The following TESC variants were observed in gnomAD, a reference collection of about 807,000 sequenced individuals.
TESC encodes the protein calcineurin B homologous protein 3.
TESC carries 19 observed loss-of-function variants against 31.0 expected under a neutral mutation model. The ratio of observed to expected loss-of-function variants is 0.61; its 90% CI spans 0.43 to 0.90. The LOEUF (loss-of-function observed/expected upper bound fraction) is 0.90. Ranked by LOEUF, TESC falls within the 40% of genes least tolerant of loss-of-function variation. The probability of loss-of-function intolerance (pLI) is 0.00; values close to 1 mark genes in which losing one functional copy is unlikely to be tolerated. For synonymous variants in TESC, 109 were observed against 114.8 expected, an observed-to-expected ratio of 0.95 and a Z score of 0.32; for missense variants, 248 against 303.8, an observed-to-expected ratio of 0.82 and a Z score of 1.36.
At chr12:117,042,764 C>T (rs1178333081) in intron 6 of TESC, among the ~76,000 whole-genome samples, 3 of 152,170 alleles carry the variant, frequency 2.0e-5, no homozygotes, top group Non-Finnish European at 2.9e-5. Context: ...TTTGTGACAG[C>T]GAAAACCCGC....
At chr12:117,074,225 G>A (rs1054523377) in intron 2 of TESC, among the ~76,000 whole-genome samples, 17 of 152,052 alleles carry the variant, frequency 1.1e-4, no homozygotes, top group Admixed American at 1.1e-3. Flanking sequence ...AAAATTACCT[G>A]GGTGTGATGG....
chr12:117,072,131 A>T (rs1954982903), intron 2 of TESC, among the ~76,000 whole-genome samples: 1 of 152,130 alleles, frequency 6.6e-6, no homozygotes, highest in South Asian at 2.1e-4. Context: ...CAACAGCCTC[A>T]TATCCTCCTC....
intron 1 of TESC, among the ~76,000 whole-genome samples, chr12:117,087,836 C>A (rs1012857381): frequency 6.6e-6 from 1 of 152,170 alleles, no homozygotes; most frequent in African/African-American, 2.4e-5. Context: ...GAGCGAGACT[C>A]TGTCTCAATA....
rs1383144918 is a variant in TESC at position 117,097,539 on chromosome 12, A to G, written c.58+1686T>C. Among the ~76,000 whole-genome samples the G allele has an allele frequency of 2.6e-5, 4 of 152,212 alleles. 1 individual carries two copies. Among genetic ancestry groups the G allele is most frequent in the Non-Finnish European group, 5.9e-5 (4 of 68,038 alleles). On this transcript the variant is annotated intron_variant, in intron 1 of 7. Transcript: ENST00000335209. ...TCCAGATTCAAAGCAGTGGGAGGCG[A>G]GGAGAGGGCACATGAGAAATAATAA...
chr12:117,099,183 G>C, intron 1 of TESC, 42 bp downstream of exon 1: 1 of 1,470,864 alleles, frequency 6.8e-7, no homozygotes, highest in Non-Finnish European at 8.9e-7. Context: ...GCCGTTCGGA[G>C]GTCCCGCCCC....
At chr12:117,048,841 G>A (rs1423331566) in intron 4 of TESC, 178 bp downstream of exon 4, 20 of 962,734 alleles carry the variant, frequency 2.1e-5, no homozygotes, top group Admixed American at 6.0e-5. Flanking sequence ...TGAAGGTGCC[G>A]GGAACGGGAG....
intron 1 of TESC, among the ~76,000 whole-genome samples, chr12:117,077,523 T>C (rs1207114936): frequency 2.6e-5 from 4 of 152,238 alleles, no homozygotes; most frequent in Non-Finnish European, 4.4e-5. Flanking sequence ...ACTACCCACA[T>C]GCCCAACAAT....
chr12:117,058,995 G>A (rs1954767277), intron 2 of TESC, among the ~76,000 whole-genome samples: 1 of 152,214 alleles, frequency 6.6e-6, no homozygotes, highest in South Asian at 2.1e-4. Context: ...CACGGGCAGT[G>A]TCTTGGGAAG....
rs919441883 is a variant in TESC at position 117,039,054 on chromosome 12, G to A, written c.*79C>T. The A allele has an allele frequency of 1.7e-5, 26 of 1,515,260 alleles. No homozygotes were observed. The East Asian group carries it at 2.2e-4, about 13-fold the overall frequency. The allele number at this position is 1,515,260 out of a possible 1,614,324, so 93.9% of individuals were successfully genotyped here. A position where few individuals can be genotyped will look rare whatever the true frequency, so the allele number is the denominator to read the frequency against. ...CCGGCGCTGCAGGAAGAGGCTGTCC[G>A]CCGGGCCTGGGCTGCTCCAGCTACG... On this transcript the variant is annotated 3_prime_UTR_variant, in exon 8 of 8. Transcript: ENST00000335209.
intron 1 of TESC, among the ~76,000 whole-genome samples, chr12:117,094,562 A>G (rs927872667): frequency 6.6e-6 from 1 of 152,156 alleles, no homozygotes; most frequent in Non-Finnish European, 1.5e-5. Context: ...CAGGTGACAG[A>G]GTTGACAAGT....
At chr12:117,078,954 T>C (rs1009565986) in intron 1 of TESC, among the ~76,000 whole-genome samples, 1 of 152,188 alleles carries the variant, frequency 6.6e-6, no homozygotes, top group African/African-American at 2.4e-5. Flanking sequence ...CTGAGTACTG[T>C]GTCCCAGGCA....
intron 1 of TESC, among the ~76,000 whole-genome samples, chr12:117,094,613 G>A (rs925787330): frequency 9.9e-5 from 15 of 152,154 alleles, no homozygotes; most frequent in African/African-American, 3.1e-4. Context: ...CTCCAGGAGC[G>A]CTGAGGATGG....
intron 2 of TESC, among the ~76,000 whole-genome samples, chr12:117,074,534 T>C (rs533712448): frequency 6.6e-6 from 1 of 152,298 alleles, no homozygotes; most frequent in African/African-American, 2.4e-5. Context: ...CCATCTTGCC[T>C]GAGGCCAGAA....
At chr12:117,071,777 G>A (rs1954977263) in intron 2 of TESC, among the ~76,000 whole-genome samples, 1 of 152,196 alleles carries the variant, frequency 6.6e-6, no homozygotes, top group African/African-American at 2.4e-5. Context: ...TGAGGCCTGG[G>A]AGGTAGGAGT....
At chr12:117,081,348 T>C (rs931542424) in intron 1 of TESC, among the ~76,000 whole-genome samples, 9 of 152,200 alleles carry the variant, frequency 5.9e-5, no homozygotes, top group Admixed American at 1.3e-4. Flanking sequence ...AAATACACTA[T>C]TAAAATTCAT....
rs1416062202 is a variant in TESC, at chr12:117,039,086, G to A, written c.*47C>T. On this transcript the variant is annotated 3_prime_UTR_variant, in exon 8 of 8. Transcript: ENST00000335209. ...CTGGGCTGCTCCAGCTACGCGGGGA[G>A]GCGGCCCCATTGCAAAGTGCAGTTT... The A allele has an allele frequency of 6.3e-7, 1 of 1,599,980 alleles. No homozygotes were observed. Among genetic ancestry groups the A allele is most frequent in the African/African-American group, 1.3e-5 (1 of 74,784 alleles).
At chr12:117,085,187 G>A (rs1955202711) in intron 1 of TESC, among the ~76,000 whole-genome samples, 1 of 152,190 alleles carries the variant, frequency 6.6e-6, no homozygotes, top group Non-Finnish European at 1.5e-5. Flanking sequence ...AACACACAGG[G>A]CTCAGGGAGC....
At chr12:117,055,032 G>C (rs1371304010) in intron 3 of TESC, among the ~76,000 whole-genome samples, 1 of 152,138 alleles carries the variant, frequency 6.6e-6, no homozygotes, top group Non-Finnish European at 1.5e-5. Flanking sequence ...GCTCTGGCCT[G>C]TGCCTCAGCT....
intron 3 of TESC, among the ~76,000 whole-genome samples, chr12:117,055,804 T>C (rs977987466): frequency 1.3e-5 from 2 of 152,176 alleles, no homozygotes; most frequent in Admixed American, 6.5e-5. Context: ...AGCTAATGCC[T>C]TGGCTGAAGC....
Sources: gnomAD v4.1 joint callset for allele counts (sites outside exome capture counted in the v4.1 genomes callset) on GRCh38, gnomAD v4.1.1 for gene constraint, MANE v1.5 for transcripts, NCBI Gene and HGNC (gene_info 2026-07-23, HGNC 2026-07-21) for gene names.